Variants in ZNF608 observed in about 807,000 individuals in gnomAD.
ZNF608 encodes the protein renal carcinoma antigen NY-REN-36.
In ZNF608, 12 loss-of-function variants were observed where a neutral mutation model predicts 109.0. The ratio of observed to expected loss-of-function variants is 0.11; its 90% confidence interval spans 0.07 to 0.18. The LOEUF (loss-of-function observed/expected upper bound fraction) is 0.18, where lower values mean the gene tolerates loss of function less well. Ranked by LOEUF, ZNF608 falls within the 10% of genes least tolerant of loss-of-function variation. The pLI is 1.00. For synonymous variants in ZNF608, 732 were observed against 717.4 expected (o/e 1.02, Z -0.33); for missense variants, 1,707 against 1,879.3 (o/e 0.91, Z 1.70).
chr5:124,646,119 T>C (rs1363372771), intron 5 of ZNF608, among the ~76,000 whole-genome samples: 2 of 152,046 alleles, frequency 1.3e-5, no homozygotes, highest in Non-Finnish European at 2.9e-5. Context: ...TCCCAGCACT[T>C]TGGGAGGCCA....
At chr5:124,678,304 C>T (rs539773441) in intron 3 of ZNF608, among the ~76,000 whole-genome samples, 81 of 152,320 alleles carry the variant, frequency 5.3e-4, no homozygotes, top group Admixed American at 3.1e-3. Context: ...CAAAGGCCTC[C>T]ACTTTGGGAC....
chr5:124,669,658 AACAC>A lies in ZNF608; in HGVS notation c.1163-19965_1163-19962del, dbSNP rs56258363. Reference sequence around the variant, plus strand: ...GAATCCCTTCTCCCAAACACACACAAACACACACACACACACACACACACACACT... The same window carrying A: ...GAATCCCTTCTCCCAAACACACACAAACACACACACACACACACACACACT... On this transcript the variant is annotated intron_variant, in intron 3 of 9. Transcript: ENST00000513986. Among the ~76,000 whole-genome samples the A allele has an allele frequency of 3.8e-3, 565 of 147,782 alleles. 5 individuals are homozygous for A. The highest frequency in any genetic ancestry group is 0.011 in the African/African-American group (451 of 40,356).
intron 3 of ZNF608, among the ~76,000 whole-genome samples, chr5:124,661,973 C>T (rs1357209610): frequency 6.6e-6 from 1 of 152,194 alleles, no homozygotes; most frequent in Admixed American, 6.5e-5. Context: ...ACCAACCCTC[C>T]CCATGGACAC....
At chr5:124,697,994 G>C (rs1228303874) in intron 3 of ZNF608, among the ~76,000 whole-genome samples, 3 of 152,148 alleles carry the variant, frequency 2.0e-5, no homozygotes, top group African/African-American at 7.2e-5. Context: ...GAAAATACCA[G>C]GGACGGGGTT....
intron 2 of ZNF608, among the ~76,000 whole-genome samples, chr5:124,733,522 C>G (rs1463774532): frequency 2.6e-5 from 4 of 152,168 alleles, no homozygotes; most frequent in Non-Finnish European, 5.9e-5. Context: ...TGAACTCCAA[C>G]TGTCTTGTGT....
In ZNF608 at chr5:124,670,740, C is replaced by G. The variant is rs1016185455; in HGVS notation, c.1163-21043G>C. Among the ~76,000 whole-genome samples the G allele has an allele frequency of 7.2e-5, 11 of 152,180 alleles. No individual in the cohort carries two copies. The South Asian group carries it at 2.3e-3, about 32-fold the overall frequency. On this transcript the variant is annotated intron_variant, in intron 3 of 9. Coordinates refer to ENST00000513986, the MANE Select transcript of ZNF608 (RefSeq NM_020747.3). Reference sequence around the variant, plus strand: ...AGAGAAGCAAACAAGCTTGCCTTTTCTATACCGTTCCATCACACAAAACCC... The same window carrying G: ...AGAGAAGCAAACAAGCTTGCCTTTTGTATACCGTTCCATCACACAAAACCC...
chr5:124,700,358 G>A (rs1469832465), intron 3 of ZNF608, among the ~76,000 whole-genome samples: 1 of 152,226 alleles, frequency 6.6e-6, no homozygotes, highest in Non-Finnish European at 1.5e-5. Context: ...TATTCCAATA[G>A]CAATGATAGA....
At chr5:124,725,393 T>C (rs1308213693) in intron 2 of ZNF608, among the ~76,000 whole-genome samples, 2 of 151,984 alleles carry the variant, frequency 1.3e-5, no homozygotes, top group African/African-American at 4.8e-5. Flanking sequence ...TAATAGACAT[T>C]CAAAAAAATG....
intron 2 of ZNF608, among the ~76,000 whole-genome samples, chr5:124,709,066 G>A (rs993989026): frequency 6.6e-6 from 1 of 151,286 alleles, no homozygotes; most frequent in African/African-American, 2.4e-5. Flanking sequence ...AGCTACTCGG[G>A]AGGCTGAGGC....
upstream of ZNF608, chr5:124,746,838 TG>T: frequency 3.3e-6 from 3 of 920,060 alleles, no homozygotes; most frequent in Non-Finnish European, 3.9e-6. Context: ...GAAGAAAGGG[TG>T]GGATGAGAAA....
intron 2 of ZNF608, among the ~76,000 whole-genome samples, chr5:124,721,150 G>A (rs966084373): frequency 1.3e-5 from 2 of 152,038 alleles, no homozygotes; most frequent in African/African-American, 2.4e-5. Context: ...GGGAAACCAG[G>A]TGCAATATAA....
chr5:124,745,941 T>C, intron 1 of ZNF608: 1 of 167,546 alleles, frequency 6.0e-6, no homozygotes, highest in South Asian at 2.0e-4. Flanking sequence ...TAAACAATTC[T>C]ACCATATTCC....
intron 2 of ZNF608, among the ~76,000 whole-genome samples, chr5:124,728,961 C>A (rs554576290): frequency 6.6e-5 from 10 of 152,116 alleles, no homozygotes; most frequent in Non-Finnish European, 1.0e-4. Flanking sequence ...CCCTATTAGC[C>A]CACCAACTTC....
chr5:124,691,668 T>C (rs1371437836), intron 3 of ZNF608, among the ~76,000 whole-genome samples: 1 of 152,214 alleles, frequency 6.6e-6, no homozygotes, highest in Non-Finnish European at 1.5e-5. Context: ...CATCCTATCA[T>C]ATGTGACACC....
chr5:124,707,768 G>A (rs1291288472), intron 2 of ZNF608: 3 of 152,102 alleles, frequency 2.0e-5, no homozygotes, highest in Non-Finnish European at 4.4e-5. Context: ...AGCAAAGCAG[G>A]GGAAGCTTTA....
chr5:124,682,729 T>TA (rs1296798879), intron 3 of ZNF608, among the ~76,000 whole-genome samples: 1 of 152,232 alleles, frequency 6.6e-6, no homozygotes, highest in East Asian at 1.9e-4. Context: ...AATAAGTTAT[T>TA]AACTTGTGGA....
chr5:124,665,859 C>G (rs1751457350), intron 3 of ZNF608, among the ~76,000 whole-genome samples: 1 of 152,214 alleles, frequency 6.6e-6, no homozygotes, highest in Non-Finnish European at 1.5e-5. Context: ...AAATCTCCTC[C>G]CAATAGCCTG....
chr5:124,696,506 C>CAGAGG (rs1752856684), intron 3 of ZNF608, among the ~76,000 whole-genome samples: 1 of 152,180 alleles, frequency 6.6e-6, no homozygotes, highest in Non-Finnish European at 1.5e-5. Context: ...AATAATTCAG[C>CAGAGG]AGAGGCCACA....
intron 3 of ZNF608, among the ~76,000 whole-genome samples, chr5:124,692,184 A>C (rs1334380977): frequency 6.6e-6 from 1 of 152,230 alleles, no homozygotes; most frequent in Admixed American, 6.5e-5. Context: ...ATGTAATGAG[A>C]TTTTATAATG....
Sources: gnomAD v4.1 joint callset for allele counts (sites outside exome capture counted in the v4.1 genomes callset) on GRCh38, gnomAD v4.1.1 for gene constraint, MANE v1.5 for transcripts, NCBI Gene and HGNC (gene_info 2026-07-23, HGNC 2026-07-21) for gene names.